The following HHIPL1 variants were observed in gnomAD, a reference collection of about 807,000 sequenced individuals.
HHIPL1 encodes HHIP like 1, also known as HHIP-like protein 1.
Under a neutral mutation model 61.8 loss-of-function variants are expected in HHIPL1, and 43 were observed. The observed-to-expected ratio is 0.70, with a 90% CI of 0.55 to 0.90. The LOEUF is 0.90. Ranked by LOEUF, HHIPL1 falls within the 40% of genes least tolerant of loss-of-function variation. The pLI is 0.00. For missense variants in HHIPL1, 1,056 were observed against 1,157.7 expected (o/e 0.91, Z 1.28); for synonymous variants, 482 against 515.8 (o/e 0.93, Z 0.89).
At chr14:99,649,518 C>T (rs1282745656) in intron 1 of HHIPL1, among the ~76,000 whole-genome samples, 1 of 152,180 alleles carries the variant, frequency 6.6e-6, no homozygotes, top group South Asian at 2.1e-4. Context: ...AAGCCGTGTA[C>T]GGTGGCTCAT....
the HHIPL1 span, among the ~76,000 whole-genome samples, chr14:99,637,165 A>AG: frequency 1.4e-5 from 2 of 140,222 alleles, no homozygotes; most frequent in African/African-American, 5.2e-5. Context: ...AAAGAAAGAA[A>AG]GAAAAAGAAA....
At chr14:99,625,505 G>A in the HHIPL1 span, 1 of 152,290 alleles carries the variant, frequency 6.6e-6, no homozygotes, top group Non-Finnish European at 1.5e-5. Flanking sequence ...CTGGGGCCAG[G>A]AGGCTGGCTA....
At chr14:99,633,701 C>T in the HHIPL1 span, among the ~76,000 whole-genome samples, 1 of 152,228 alleles carries the variant, frequency 6.6e-6, no homozygotes, top group Non-Finnish European at 1.5e-5. Context: ...CTCAGGACCC[C>T]GCCCTCCCTT....
the HHIPL1 span, among the ~76,000 whole-genome samples, chr14:99,605,272 G>T: frequency 4.6e-5 from 7 of 152,122 alleles, no homozygotes; most frequent in African/African-American, 1.4e-4. Context: ...ACTCCCCACC[G>T]GCGGCCTCGC....
chr14:99,612,834 A>G, the HHIPL1 span, among the ~76,000 whole-genome samples: 2 of 152,226 alleles, frequency 1.3e-5, no homozygotes, highest in South Asian at 4.1e-4. Context: ...CAGCCCCCAC[A>G]GCCTCTGGAC....
Position 99,660,611 on chromosome 14 carries a change from T to C in HHIPL1, c.1502+205T>C, listed in dbSNP as rs2056136556. On this transcript the variant is annotated intron_variant, in intron 5 of 8. Coordinates refer to ENST00000330710, the MANE Select transcript of HHIPL1 (RefSeq NM_001127258.3). This position sits in a 1 kb window ranked among gnomAD's most constrained non-coding sequence, Gnocchi z 4.9. ...GGTGAGCCTTTGCTGCAGGCCTCAG[T>C]ACCTCTATGATAGACACACAACTCA... Among the ~76,000 whole-genome samples the C allele has an allele frequency of 6.6e-6, 1 of 152,170 alleles. No homozygotes were observed. The highest frequency in any genetic ancestry group is 2.4e-5 in the African/African-American group (1 of 41,438).
intron 2 of HHIPL1, among the ~76,000 whole-genome samples, chr14:99,655,625 A>G (rs956583594): frequency 2.6e-5 from 4 of 152,168 alleles, no homozygotes; most frequent in Non-Finnish European, 5.9e-5. Context: ...AAAAAGGAAA[A>G]AAAGAAAGAA....
chr14:99,650,246 TC>T (rs1194414486), intron 1 of HHIPL1, among the ~76,000 whole-genome samples: 2 of 152,010 alleles, frequency 1.3e-5, no homozygotes, highest in Non-Finnish European at 2.9e-5. Flanking sequence ...CCCCCAAACG[TC>T]CCAGAGGCCT....
At chr14:99,607,841 A>G in the HHIPL1 span, among the ~76,000 whole-genome samples, 1 of 152,188 alleles carries the variant, frequency 6.6e-6, no homozygotes, top group South Asian at 2.1e-4. Flanking sequence ...GCCCAAGGTC[A>G]CTTTCATTCA....
the HHIPL1 span, among the ~76,000 whole-genome samples, chr14:99,615,947 C>A: frequency 6.6e-6 from 1 of 152,078 alleles, no homozygotes; most frequent in African/African-American, 2.4e-5. Context: ...CCAAGCAAGT[C>A]AAAACAAGGA....
rs1247270417 is a variant in HHIPL1, at chr14:99,676,627, C to T, written c.*1001C>T. On this transcript the variant is annotated 3_prime_UTR_variant, in exon 9 of 9. Transcript: ENST00000330710. ...GCTGGGGGTCCAGTGAAACTACTGA[C>T]ACTTTTTCACCCAGGGCTATGCCAA... The T allele has an allele frequency of 1.3e-5, 2 of 152,378 alleles. No individual in the cohort carries two copies. Among genetic ancestry groups the T allele is most frequent in the African/African-American group, 4.8e-5 (2 of 41,456 alleles). The allele number at this position is 152,378 out of a possible 1,614,324, so 9.4% of individuals were successfully genotyped here. A position where few individuals can be genotyped will look rare whatever the true frequency, so the allele number is the denominator to read the frequency against.
intron 5 of HHIPL1, among the ~76,000 whole-genome samples, chr14:99,662,362 T>C (rs2056165594): frequency 6.6e-6 from 1 of 152,170 alleles, no homozygotes; most frequent in Non-Finnish European, 1.5e-5. Context: ...AAGGTTAGCA[T>C]ATTCCAAAGA....
At chr14:99,646,821 TG>T (rs1408328202) in intron 1 of HHIPL1, among the ~76,000 whole-genome samples, 846 of 69,870 alleles carry the variant, frequency 0.012, 3 homozygotes, top group East Asian at 0.086. Flanking sequence ...TGATATGATA[TG>T]ATATGATATG....
At chr14:99,613,606 G>A in the HHIPL1 span, among the ~76,000 whole-genome samples, 47 of 151,948 alleles carry the variant, frequency 3.1e-4, no homozygotes, top group African/African-American at 1.1e-3. Flanking sequence ...GCCTGAATGT[G>A]TTTTTAAATT....
chr14:99,614,260 G>A, the HHIPL1 span, among the ~76,000 whole-genome samples: 1 of 152,280 alleles, frequency 6.6e-6, no homozygotes, highest in South Asian at 2.1e-4. Context: ...GGGTGCCCCG[G>A]AGCCCAGAGT....
At chr14:99,630,286 A>G in the HHIPL1 span, among the ~76,000 whole-genome samples, 1 of 152,220 alleles carries the variant, frequency 6.6e-6, no homozygotes, top group Non-Finnish European at 1.5e-5. Context: ...GCGGTGGTTA[A>G]TAACAAGGGA....
rs150860834 is a variant in HHIPL1, at chr14:99,668,302, A to G, written c.1729A>G (p.Arg577Gly). The G allele has an allele frequency of 3.3e-5, 52 of 1,597,928 alleles. No individual in the cohort carries two copies. The highest frequency in any genetic ancestry group is 6.7e-5 in the Admixed American group (4 of 59,988). The stretch of plus-strand genomic sequence containing the variant: ...TGTCTACAAAATAATTGACGCATCC[A>G]GGTGAGTCCCAGCCTCCAGGACAGG... ...GVVYKIIDAS[R>G]RAPPGKCQIQ... is the part of the protein sequence containing the mutation. Residue 577 changes from arginine (R) to glycine (G), a missense_variant and splice_region_variant, in exon 7 of 9, where the codon AGG becomes GGG. Physicochemically the swap from Arg to Gly is moderately radical, Grantham distance 125. Coordinates refer to ENST00000330710, the MANE Select transcript of HHIPL1 (RefSeq NM_001127258.3). This position sits in a 1 kb window ranked among gnomAD's most constrained non-coding sequence, Gnocchi z 4.7.
the HHIPL1 span, among the ~76,000 whole-genome samples, chr14:99,635,649 CTCATTCATTCAT>C: frequency 6.6e-6 from 1 of 151,852 alleles, no homozygotes; most frequent in Non-Finnish European, 1.5e-5. Flanking sequence ...GTGAGCCCAT[CTCATTCATTCAT>C]TCATTCATTC....
At position 99,677,068 on chromosome 14, in the gene HHIPL1, G is replaced by C. The variant is rs1018686619; in HGVS notation, c.*1442G>C. On this transcript the variant is annotated 3_prime_UTR_variant, in exon 9 of 9. Transcript: ENST00000330710. This position sits in a 1 kb window ranked among gnomAD's most constrained non-coding sequence, Gnocchi z 4.3. ...CTTGGGGCAGGCATGAGTCTGGCAG[G>C]GTCTCCTAGCTGCTAGTATAGGGTC... 6.6e-6 allele frequency: 1 copy of C among 152,116 alleles called. No homozygotes were observed. Among genetic ancestry groups the C allele is most frequent in the Non-Finnish European group, 1.5e-5 (1 of 68,280 alleles). 9.4% of individuals were successfully genotyped at this position (152,116 alleles called of 1,614,324 possible).
Sources: gnomAD v4.1 joint callset for allele counts (sites outside exome capture counted in the v4.1 genomes callset) on GRCh38, gnomAD v4.1.1 for gene constraint, Gnocchi (gnomAD v3.1) non-coding constraint, MANE v1.5 for transcripts, NCBI Gene and HGNC (gene_info 2026-07-23, HGNC 2026-07-21) for gene names.